Variants in WIPF1 observed in about 807,000 individuals in gnomAD.
WIPF1 encodes the protein WAS/WASL interacting protein family member 1, also known as WAS/WASL-interacting protein family member 1.
Under a neutral mutation model 35.4 loss-of-function variants are expected in WIPF1, and 13 were observed. That is an observed-to-expected ratio of 0.37 (90% CI 0.24 to 0.58). WIPF1 has a LOEUF of 0.58. WIPF1 is among the 20% of genes least tolerant of loss of function. WIPF1 has a pLI of 0.74. For synonymous variants in WIPF1, 267 were observed against 266.3 expected, an observed-to-expected ratio of 1.00 and a Z score of -0.02; for missense variants, 591 against 667.0, an observed-to-expected ratio of 0.89 and a Z score of 1.25.
At chr2:174,648,425 A>G (rs1270101085) in intron 1 of WIPF1, among the ~76,000 whole-genome samples, 1 of 152,240 alleles carries the variant, frequency 6.6e-6, no homozygotes, top group Non-Finnish European at 1.5e-5. Flanking sequence ...TCTGTGTCTA[A>G]TAACATAAGT....
chr2:174,609,723 C>T (rs1385792651), intron 1 of WIPF1, among the ~76,000 whole-genome samples: 2 of 152,298 alleles, frequency 1.3e-5, no homozygotes, highest in Non-Finnish European at 2.9e-5. Context: ...ACTGTTATTA[C>T]AAGTGGGCAC....
At chr2:174,641,769 T>C (rs1687298618) in intron 1 of WIPF1, among the ~76,000 whole-genome samples, 6 of 152,240 alleles carry the variant, frequency 3.9e-5, no homozygotes, top group Admixed American at 3.9e-4. Flanking sequence ...CTGACTTTTT[T>C]CAGCAACCAT....
chr2:174,673,830 A>AC (rs1688072386), intron 1 of WIPF1: 1 of 151,964 alleles, frequency 6.6e-6, no homozygotes, highest in Non-Finnish European at 1.5e-5. Context: ...ATATTAAAAA[A>AC]AAAAAAAAAG....
Position 174,603,914 on chromosome 2 carries a change from T to A in WIPF1, c.-38-18303A>T, listed in dbSNP as rs561182081. ...CCTGAAAATATAATTCTGGAAGAAA[T>A]AATAGAGAATTATTTGAAAGATATT... On this transcript the variant is annotated intron_variant, in intron 1 of 8. Transcript: ENST00000272746. 7.9e-5 allele frequency among the ~76,000 whole-genome samples: 12 copies of A among 152,238 alleles called. No homozygotes were observed. In the South Asian group the frequency reaches 1.7e-3, roughly 21 times the overall value.
intron 4 of WIPF1, among the ~76,000 whole-genome samples, chr2:174,572,946 A>C (rs1316841276): frequency 2.6e-5 from 4 of 152,224 alleles, no homozygotes; most frequent in Non-Finnish European, 5.9e-5. Flanking sequence ...TATGAAGAGA[A>C]ATGCCCCAAA....
At chr2:174,574,678 G>A in intron 4 of WIPF1, 1 of 568,092 alleles carries the variant, frequency 1.8e-6, no homozygotes, top group Non-Finnish European at 3.2e-6. Context: ...CATGTCCATG[G>A]CTCCCTGCAG....
At chr2:174,575,522 A>AT in intron 3 of WIPF1, 142 bp from the exon 4 acceptor site, 1 of 1,421,988 alleles carries the variant, frequency 7.0e-7, no homozygotes, top group Non-Finnish European at 9.3e-7. Context: ...CAGGATTTTA[A>AT]GAGTTCCCTC....
chr2:174,604,593 A>G (rs1337656421), intron 1 of WIPF1, among the ~76,000 whole-genome samples: 1 of 152,134 alleles, frequency 6.6e-6, no homozygotes, highest in Non-Finnish European at 1.5e-5. Flanking sequence ...AAAAAAAACT[A>G]AAATAAGAAA....
Position 174,574,695 on chromosome 2 carries a change from C to G in WIPF1, c.358+509G>C. On this transcript the variant is annotated intron_variant, in intron 4 of 7. Coordinates refer to ENST00000679041, the MANE Select transcript of WIPF1 (RefSeq NM_001375834.1). ...TGTCCATGGCTCCCTGCAGAGACTC[C>G]TGAGAACCACTGGCACTGAAATACC... 1.7e-5 allele frequency: 10 copies of G among 602,796 alleles called. No homozygotes were observed. In the South Asian group the frequency reaches 2.1e-4, roughly 13 times the overall value. 37.3% of individuals were successfully genotyped at this position (602,796 alleles called of 1,614,324 possible).
chr2:174,609,725 A>C (rs998181436), intron 1 of WIPF1, among the ~76,000 whole-genome samples: 1 of 152,186 alleles, frequency 6.6e-6, no homozygotes. Context: ...TGTTATTACA[A>C]GTGGGCACGG....
At chr2:174,655,355 G>A (rs1305110615) in intron 1 of WIPF1, 1 of 152,154 alleles carries the variant, frequency 6.6e-6, no homozygotes, top group Non-Finnish European at 1.5e-5. Flanking sequence ...CACTCTGAGA[G>A]GCGGATCTGC....
rs1259265868 is a variant in WIPF1, at chr2:174,592,653, TG to T, written c.-39+4947del. Among the ~76,000 whole-genome samples the T allele has an allele frequency of 8.0e-5, 12 of 150,738 alleles. No individual in the cohort carries two copies. In the South Asian group the frequency reaches 1.0e-3, roughly 13 times the overall value. ...CAGAGTCTGGCTCTGTTGCCCAGGC[TG>T]GAGTGCAGTGGTACGATCTTGGCTC... On this transcript the variant is annotated intron_variant, in intron 1 of 7. Coordinates refer to ENST00000679041, the MANE Select transcript of WIPF1 (RefSeq NM_001375834.1).
At chr2:174,581,593 C>G (rs1308182951) in intron 2 of WIPF1, among the ~76,000 whole-genome samples, 154 bp from the exon 3 acceptor site, 1 of 152,142 alleles carries the variant, frequency 6.6e-6, no homozygotes, top group Non-Finnish European at 1.5e-5. Flanking sequence ...CCATATCTTT[C>G]TTTTTAAGAT....
intron 1 of WIPF1, among the ~76,000 whole-genome samples, chr2:174,605,776 G>C (rs1686142059): frequency 6.6e-6 from 1 of 151,864 alleles, no homozygotes; most frequent in South Asian, 2.1e-4. Flanking sequence ...TGGGTGAGGA[G>C]TACACAGCAG....
chr2:174,673,534 TCA>T (rs1162172467), intron 1 of WIPF1: 4 of 152,284 alleles, frequency 2.6e-5, no homozygotes, highest in Non-Finnish European at 5.9e-5. Context: ...AACTTCAGCC[TCA>T]GTCTTGCTTG....
intron 1 of WIPF1, 109 bp from the exon 2 acceptor site, chr2:174,585,720 G>T: frequency 2.6e-6 from 2 of 759,716 alleles, no homozygotes; most frequent in Non-Finnish European, 4.4e-6. Context: ...TCAACTCTTA[G>T]AAGAGATGGG....
chr2:174,568,209 G>A, intron 5 of WIPF1, 136 bp from the exon 6 acceptor site: 1 of 1,114,238 alleles, frequency 9.0e-7, no homozygotes, highest in Non-Finnish European at 1.2e-6. Context: ...ATATTTGGCT[G>A]AGAAATGAGT....
intron 1 of WIPF1, among the ~76,000 whole-genome samples, chr2:174,616,391 G>A (rs544496076): frequency 2.0e-4 from 31 of 152,138 alleles, no homozygotes; most frequent in African/African-American, 6.0e-4. Flanking sequence ...GGGAGGCCTC[G>A]ACCCCTGCTG....
intron 1 of WIPF1, among the ~76,000 whole-genome samples, chr2:174,608,418 T>C (rs1686241911): frequency 6.6e-6 from 1 of 152,074 alleles, no homozygotes; most frequent in Non-Finnish European, 1.5e-5. Flanking sequence ...AGCAAACAAA[T>C]ACAAGTGCTG....
Sources: allele counts gnomAD v4.1 joint callset (sites outside exome capture counted in the v4.1 genomes callset), GRCh38; gene constraint gnomAD v4.1.1; transcripts MANE v1.5; gene names NCBI Gene and HGNC (gene_info 2026-07-23, HGNC 2026-07-21).